The following NPAS2 variants were observed in gnomAD, a reference collection of about 807,000 sequenced individuals.
The protein encoded by NPAS2 is neuronal PAS domain protein 2.
A neutral mutation model predicts 107.5 loss-of-function variants in NPAS2; 23 were observed. The observed-to-expected ratio is 0.21, with a 90% CI of 0.15 to 0.30. The LOEUF (loss-of-function observed/expected upper bound fraction) is 0.30, where lower values mean the gene tolerates loss of function less well. Ranked by LOEUF, NPAS2 falls within the 10% of genes least tolerant of loss-of-function variation. The probability of loss-of-function intolerance (pLI) is 1.00; values close to 1 mark genes in which losing one functional copy is unlikely to be tolerated. For missense variants in NPAS2, 756 were observed against 1,043.3 expected, an observed-to-expected ratio of 0.72 and a Z score of 3.79; for synonymous variants, 403 against 417.5, an observed-to-expected ratio of 0.97 and a Z score of 0.42.
chr2:100,869,781 C>T (rs1344321352), intron 1 of NPAS2, among the ~76,000 whole-genome samples: 2 of 152,140 alleles, frequency 1.3e-5, no homozygotes, highest in Admixed American at 6.5e-5. Context: ...CCTGCCTTAT[C>T]CACACAATAT....
intron 1 of NPAS2, among the ~76,000 whole-genome samples, chr2:100,900,750 G>A (rs184280414): frequency 2.0e-5 from 3 of 152,240 alleles, no homozygotes; most frequent in Admixed American, 6.5e-5. Context: ...CAAATATCCT[G>A]TTTCTCCCCA....
chr2:100,838,955 C>A (rs1384452505), intron 1 of NPAS2, among the ~76,000 whole-genome samples: 1 of 152,080 alleles, frequency 6.6e-6, no homozygotes, highest in Non-Finnish European at 1.5e-5. Flanking sequence ...CACTTATATG[C>A]AGCTTTACTT....
chr2:100,878,155 C>G (rs944924736), intron 1 of NPAS2: 8 of 985,274 alleles, frequency 8.1e-6, no homozygotes, highest in Non-Finnish European at 1.2e-6. Flanking sequence ...AAGACAGCCT[C>G]CAGGGACCAG....
chr2:100,845,880 G>T (rs1677742029), intron 1 of NPAS2, among the ~76,000 whole-genome samples: 1 of 152,148 alleles, frequency 6.6e-6, no homozygotes, highest in Non-Finnish European at 1.5e-5. Context: ...GCTCTCACCT[G>T]GTTCCTCACC....
At chr2:100,924,817 A>T (rs1234268962) in intron 2 of NPAS2, among the ~76,000 whole-genome samples, 1 of 152,222 alleles carries the variant, frequency 6.6e-6, no homozygotes, top group East Asian at 1.9e-4. Context: ...CAGCCATCTC[A>T]GTCAGCAGTG....
intron 7 of NPAS2, among the ~76,000 whole-genome samples, chr2:100,959,134 G>A (rs1382545559): frequency 2.0e-5 from 3 of 150,080 alleles, no homozygotes; most frequent in Non-Finnish European, 4.4e-5. Context: ...GCCAGGCATG[G>A]TGGCTTACTC....
At position 100,960,580 on chromosome 2, in the gene NPAS2, G is replaced by A. The variant is rs115081699; in HGVS notation, c.599-3478G>A. 4.4e-3 allele frequency among the ~76,000 whole-genome samples: 667 copies of A among 152,206 alleles called. 2 individuals carry two copies. The highest frequency in any genetic ancestry group is 7.4e-3 in the Non-Finnish European group (504 of 68,002). The stretch of plus-strand genomic sequence containing the variant: ...CTGATTTGCAGCAGTTTCCCTGACT[G>A]CAGCAGGCCTCCTGCTGACTAGTGT... On this transcript the variant is annotated intron_variant, in intron 7 of 20. Transcript: ENST00000335681.
intron 1 of NPAS2, among the ~76,000 whole-genome samples, chr2:100,897,286 G>A (rs898898403): frequency 3.9e-4 from 60 of 152,304 alleles, no homozygotes; most frequent in African/African-American, 1.0e-3. Flanking sequence ...GCGAGCCATC[G>A]TGAAATGGGT....
chr2:100,850,953 CAAAAAAA>C lies in NPAS2; in HGVS notation c.-23+30560_-23+30566del, dbSNP rs148858541. Among the ~76,000 whole-genome samples the C allele has an allele frequency of 9.4e-3, 393 of 41,852 alleles. 4 individuals carry two copies. The highest frequency in any genetic ancestry group is 0.015 in the Admixed American group (31 of 2,072). 27.5% of individuals were successfully genotyped at this position (41,852 alleles called of 152,430 possible). On this transcript the variant is annotated intron_variant, in intron 1 of 20. Transcript: ENST00000335681. ...GGGCAACAAGAGTGAAACTCTGTCTCAAAAAAAAAAAAAAAAAAAAAAAAAAAGGAAG... is the reference window on the plus strand; with the variant it reads ...GGGCAACAAGAGTGAAACTCTGTCTCAAAAAAAAAAAAAAAAAAAAGGAAG...
chr2:100,948,493 A>G, intron 6 of NPAS2, 138 bp downstream of exon 6: 1 of 811,742 alleles, frequency 1.2e-6, no homozygotes, highest in Non-Finnish European at 1.8e-6. Context: ...CAAGATCCTT[A>G]GAGGTATATT....
At chr2:100,823,112 T>G (rs989542680) in intron 1 of NPAS2, among the ~76,000 whole-genome samples, 10 of 152,176 alleles carry the variant, frequency 6.6e-5, no homozygotes, top group Admixed American at 2.6e-4. Flanking sequence ...AGCTGAATTG[T>G]TGGTGGTCAC....
intron 7 of NPAS2, among the ~76,000 whole-genome samples, chr2:100,957,063 C>T (rs553758272): frequency 6.6e-6 from 1 of 152,350 alleles, no homozygotes; most frequent in South Asian, 2.1e-4. Flanking sequence ...TCAATGTTTG[C>T]ACATTTTGGT....
At chr2:100,971,157 C>G (rs149175358) in intron 12 of NPAS2, 83 bp downstream of exon 12, 1 of 1,337,842 alleles carries the variant, frequency 7.5e-7, no homozygotes, top group Non-Finnish European at 1.1e-6. Flanking sequence ...ACAAGGGTTT[C>G]TTTTCATCAA....
chr2:100,827,181 A>T lies in NPAS2; in HGVS notation c.-23+6767A>T, dbSNP rs141532065. The stretch of plus-strand genomic sequence containing the variant: ...GTGATATGTTTCCAAGAAAACCCTG[A>T]GGAGATGACCTTCCAGGCCTTTCTC... On this transcript the variant is annotated intron_variant, in intron 1 of 20. Coordinates refer to ENST00000335681, the MANE Select transcript of NPAS2 (RefSeq NM_002518.4). Among the ~76,000 whole-genome samples, 19 of 152,284 alleles carry T rather than the reference A, an allele frequency of 1.2e-4. No individual in the cohort carries two copies. In the East Asian group the frequency reaches 3.7e-3, roughly 29 times the overall value.
intron 15 of NPAS2, 112 bp from the exon 16 acceptor site, chr2:100,982,119 A>G (rs1311910016): frequency 7.6e-7 from 1 of 1,315,226 alleles, no homozygotes; most frequent in Admixed American, 2.0e-5. Flanking sequence ...GGATGCTGGG[A>G]AAGACGGCTA....
chr2:100,990,369 G>A lies in NPAS2; in HGVS notation c.1941G>A (p.Leu647=), dbSNP rs1404212729. The change falls in exon 18 of 21, where the codon CTG becomes CTA. Residue 647 remains leucine (L), a synonymous_variant. Coordinates refer to ENST00000335681, the MANE Select transcript of NPAS2 (RefSeq NM_002518.4). ...ATAALPPSLN[L]TTPASTSQDA... is the part of the protein sequence containing the mutation. ...CTGCGCTCCCGCCAAGTCTGAATCT[G>A]ACCACACCTGCTTCCACCTCCCAGG... The A allele has an allele frequency of 6.2e-7, 1 of 1,614,196 alleles. No homozygotes were observed. The highest frequency in any genetic ancestry group is 1.7e-5 in the Admixed American group (1 of 60,028).
At chr2:100,882,347 T>G (rs10177618) in intron 1 of NPAS2, among the ~76,000 whole-genome samples, 2 of 152,142 alleles carry the variant, frequency 1.3e-5, no homozygotes, top group African/African-American at 2.4e-5. Context: ...CAGTGGCTCA[T>G]GCCTGTAATC....
chr2:100,946,894 G>A (rs1012034640), intron 5 of NPAS2, among the ~76,000 whole-genome samples: 8 of 152,246 alleles, frequency 5.3e-5, no homozygotes, highest in South Asian at 4.1e-4. Context: ...AGACAAAGGC[G>A]CCACCAGAGG....
intron 1 of NPAS2, among the ~76,000 whole-genome samples, chr2:100,868,879 C>T (rs1181441918): frequency 6.6e-6 from 1 of 152,080 alleles, no homozygotes; most frequent in Non-Finnish European, 1.5e-5. Flanking sequence ...TCCCTTCTTC[C>T]TTGCTTTATT....
Sources: gnomAD v4.1 joint callset for allele counts (sites outside exome capture counted in the v4.1 genomes callset) on GRCh38, gnomAD v4.1.1 for gene constraint, MANE v1.5 for transcripts, NCBI Gene and HGNC (gene_info 2026-07-23, HGNC 2026-07-21) for gene names.